The following HRH1 variants were observed in gnomAD, a reference collection of about 807,000 sequenced individuals.
The protein encoded by HRH1 is histamine H1 receptor.
In HRH1, 6 loss-of-function variants were observed where a neutral mutation model predicts 10.3. The ratio of observed to expected loss-of-function variants is 0.58; its 90% CI spans 0.32 to 1.15. The LOEUF is 1.15. Among genes scored for constraint, HRH1 ranks in the 50% most tolerant of loss-of-function variants. The probability of loss-of-function intolerance (pLI) is 0.05; values close to 1 mark genes in which losing one functional copy is unlikely to be tolerated. For synonymous variants in HRH1, 242 were observed against 236.7 expected (o/e 1.02, Z -0.21); for missense variants, 514 against 615.3 (o/e 0.84, Z 1.74).
intron 1 of HRH1, among the ~76,000 whole-genome samples, chr3:11,202,652 T>G (rs1251808847): frequency 6.6e-6 from 1 of 152,114 alleles, no homozygotes; most frequent in Non-Finnish European, 1.5e-5. Flanking sequence ...CTGCTGAAGA[T>G]ATAGAGATTT....
At chr3:11,149,960 T>C (rs74428640), upstream of HRH1, among the ~76,000 whole-genome samples, 306 of 152,368 alleles carry the variant, frequency 2.0e-3, no homozygotes, top group African/African-American at 7.1e-3. Flanking sequence ...CTTCACTCAC[T>C]GCAGTGCTCT....
intron 1 of HRH1, among the ~76,000 whole-genome samples, chr3:11,144,479 A>AGACG (rs1936382814): frequency 7.0e-6 from 1 of 143,204 alleles, no homozygotes; most frequent in East Asian, 2.1e-4. Flanking sequence ...ATAGACATAT[A>AGACG]TATACACACA....
chr3:11,147,414 C>T (rs373118982), intron 1 of HRH1, among the ~76,000 whole-genome samples: 105 of 152,308 alleles, frequency 6.9e-4, no homozygotes, highest in African/African-American at 2.3e-3. Context: ...GAACATCCCA[C>T]TTTATAGATA....
At chr3:11,137,868 T>G (rs1444778184) in intron 1 of HRH1, among the ~76,000 whole-genome samples, 1 of 151,946 alleles carries the variant, frequency 6.6e-6, no homozygotes, top group Non-Finnish European at 1.5e-5. Context: ...CGGGAGAGTA[T>G]CTGGTGCTCT....
intron 1 of HRH1, among the ~76,000 whole-genome samples, chr3:11,239,813 C>T (rs1939287217): frequency 1.3e-5 from 2 of 152,006 alleles, no homozygotes; most frequent in African/African-American, 4.8e-5. Context: ...CCCCCAGTGG[C>T]AGCCCCCCAC....
chr3:11,160,250 A>T (rs999660596), intron 1 of HRH1, among the ~76,000 whole-genome samples: 1 of 152,014 alleles, frequency 6.6e-6, no homozygotes, highest in African/African-American at 2.4e-5. Flanking sequence ...CTTTCTGCCA[A>T]TTCACCTTTT....
chr3:11,169,785 G>A (rs558546014), intron 1 of HRH1, among the ~76,000 whole-genome samples: 12 of 152,296 alleles, frequency 7.9e-5, no homozygotes, highest in East Asian at 1.9e-4. Flanking sequence ...CAATATCCAC[G>A]TGAGTTGCTA....
intron 1 of HRH1, among the ~76,000 whole-genome samples, chr3:11,138,515 G>A (rs1380234096): frequency 1.3e-5 from 2 of 152,132 alleles, no homozygotes; most frequent in African/African-American, 4.8e-5. Context: ...TGAAGACATT[G>A]GAGCCCTCAA....
At chr3:11,217,142 C>T (rs572079632) in intron 1 of HRH1, among the ~76,000 whole-genome samples, 4 of 149,740 alleles carry the variant, frequency 2.7e-5, no homozygotes, top group East Asian at 4.0e-4. Flanking sequence ...GCCAAGATTG[C>T]GCCACTGCAC....
At chr3:11,222,306 C>CTCA (rs1279744292) in intron 1 of HRH1, among the ~76,000 whole-genome samples, 1 of 152,150 alleles carries the variant, frequency 6.6e-6, no homozygotes, top group African/African-American at 2.4e-5. Flanking sequence ...TGAGCAGGTC[C>CTCA]TCATGGGAAC....
At chr3:11,155,001 T>C (rs1936751826) in intron 1 of HRH1, among the ~76,000 whole-genome samples, 1 of 152,178 alleles carries the variant, frequency 6.6e-6, no homozygotes, top group African/African-American at 2.4e-5. Flanking sequence ...AATATTGTTA[T>C]ACTCATTTTA....
intron 1 of HRH1, among the ~76,000 whole-genome samples, chr3:11,184,057 G>A (rs993039493): frequency 2.0e-5 from 3 of 151,812 alleles, no homozygotes; most frequent in South Asian, 2.1e-4. Context: ...TCCAGTGCCC[G>A]GCACAGTAAA....
Position 11,259,951 on chromosome 3 carries a change from T to C in HRH1, c.914T>C (p.Leu305Pro). 1.2e-6 allele frequency: 2 copies of C among 1,614,188 alleles called. No homozygotes were observed. Among genetic ancestry groups the C allele is most frequent in the Non-Finnish European group, 1.7e-6 (2 of 1,180,034 alleles). Residue 305 changes from leucine to proline, a missense_variant, in exon 2 of 2, where the codon CTT becomes CCT. Coordinates refer to ENST00000431010, the MANE Select transcript of HRH1 (RefSeq NM_001098212.2). The surrounding 1 kb of genome is among the most constrained non-coding windows in gnomAD (Gnocchi z 4.6). ...REVDKLYCFP[L>P]DIVHMQAAAE... is the part of the protein sequence containing the mutation. ...GTAGACAAACTCTACTGCTTTCCAC[T>C]TGATATTGTGCACATGCAGGCTGCG...
intron 1 of HRH1, among the ~76,000 whole-genome samples, chr3:11,232,929 A>T (rs1208436301): frequency 6.6e-6 from 1 of 152,206 alleles, no homozygotes; most frequent in East Asian, 1.9e-4. Context: ...TTCTTTCAGC[A>T]TCTGAAAAAT....
chr3:11,160,649 C>T (rs910150793), intron 1 of HRH1, among the ~76,000 whole-genome samples: 1 of 152,184 alleles, frequency 6.6e-6, no homozygotes, highest in African/African-American at 2.4e-5. Context: ...CACTAAATTA[C>T]AATATATCTT....
intron 1 of HRH1, among the ~76,000 whole-genome samples, chr3:11,178,332 G>T (rs1208677998): frequency 6.6e-6 from 1 of 152,214 alleles, no homozygotes. Flanking sequence ...TCTTGAAGAG[G>T]CTGGGGACTT....
chr3:11,138,420 A>T (rs1219297060), intron 1 of HRH1, among the ~76,000 whole-genome samples: 1 of 152,184 alleles, frequency 6.6e-6, no homozygotes, highest in Non-Finnish European at 1.5e-5. Flanking sequence ...AAAGATATAC[A>T]GATGGCCAGC....
chr3:11,212,730 A>G (rs575441950), intron 1 of HRH1, among the ~76,000 whole-genome samples: 6 of 152,352 alleles, frequency 3.9e-5, no homozygotes, highest in East Asian at 3.9e-4. Flanking sequence ...TCAGTAGTAT[A>G]GCATAGCAAT....
intron 1 of HRH1, among the ~76,000 whole-genome samples, chr3:11,171,347 C>G (rs1335694506): frequency 2.0e-5 from 3 of 152,088 alleles, no homozygotes; most frequent in Non-Finnish European, 4.4e-5. Context: ...AACTCCTGAC[C>G]TCAAGTGATC....
Sources: allele counts gnomAD v4.1 joint callset (sites outside exome capture counted in the v4.1 genomes callset), GRCh38; gene constraint gnomAD v4.1.1; non-coding constraint Gnocchi (gnomAD v3.1); transcripts MANE v1.5; gene names NCBI Gene and HGNC (gene_info 2026-07-23, HGNC 2026-07-21).